Variants in TASOR observed in about 807,000 individuals in gnomAD.
The protein encoded by TASOR is transcription activation suppressor.
In TASOR, 53 loss-of-function variants were observed where a neutral mutation model predicts 178.6. The observed-to-expected ratio is 0.30, with a 90% CI of 0.24 to 0.37. The LOEUF is 0.37. Ranked by LOEUF, TASOR falls within the 10% of genes least tolerant of loss-of-function variation. The pLI is 1.00. For missense variants in TASOR, 1,815 were observed against 1,971.4 expected (o/e 0.92, Z 1.50); for synonymous variants, 713 against 696.2 (o/e 1.02, Z -0.38).
chr3:56,646,424 A>G, intron 14 of TASOR, 98 bp downstream of exon 14: 1 of 971,676 alleles, frequency 1.0e-6, no homozygotes, highest in Non-Finnish European at 1.5e-6. Flanking sequence ...GGACAGGCTG[A>G]ATTTGACCCT....
In TASOR at chr3:56,624,381, A is replaced by C. The variant is rs539285615; in HGVS notation, c.4483+98T>G. The C allele has an allele frequency of 7.5e-6, 9 of 1,194,938 alleles. No individual in the cohort carries two copies. The South Asian group carries it at 1.1e-4, about 15-fold the overall frequency. 74.0% of individuals were successfully genotyped at this position (1,194,938 alleles called of 1,614,324 possible). On this transcript the variant is annotated intron_variant, in intron 23 of 23. Transcript: ENST00000683822. Reference sequence around the variant, plus strand: ...TCCCTATGGCTGTTTATACTGAGGTACGTGGTTTCAAAATGGTCATTTCAT... The same window carrying C: ...TCCCTATGGCTGTTTATACTGAGGTCCGTGGTTTCAAAATGGTCATTTCAT...
rs764991240 is a variant in TASOR, at chr3:56,621,617, A to T, written c.*1420T>A. On this transcript the variant is annotated 3_prime_UTR_variant, in exon 24 of 24. Transcript: ENST00000683822. ...GAAGAGAGTTTTGGTTCTTCATTTT[A>T]AATGTAGAAAATCAAATCCTTCACA... 8 of 1,589,252 alleles carry T rather than the reference A, an allele frequency of 5.0e-6. No homozygotes were observed. In the Admixed American group the frequency reaches 1.4e-4, roughly 28 times the overall value.
intron 17 of TASOR, 151 bp downstream of exon 17, chr3:56,638,555 A>C (rs921211442): frequency 1.4e-5 from 9 of 652,218 alleles, no homozygotes; most frequent in Non-Finnish European, 2.4e-5. Flanking sequence ...CAACTCAAGT[A>C]ATGATTTACA....
chr3:56,658,946 C>CTGTGTGTG (rs58622702), intron 11 of TASOR, among the ~76,000 whole-genome samples: 30 of 147,448 alleles, frequency 2.0e-4, no homozygotes, highest in Non-Finnish European at 3.8e-4. Flanking sequence ...GAGAGAGAGA[C>CTGTGTGTG]TGTGTGTGTG....
intron 23 of TASOR, 44 bp from the exon 24 acceptor site, chr3:56,623,610 GTT>G (rs2076736239): frequency 1.3e-6 from 2 of 1,539,438 alleles, no homozygotes; most frequent in African/African-American, 2.8e-5. Context: ...GAAATACACA[GTT>G]TGTTTAAGTT....
intron 16 of TASOR, among the ~76,000 whole-genome samples, chr3:56,639,348 A>G (rs1384956791): frequency 6.6e-6 from 1 of 152,136 alleles, no homozygotes; most frequent in Non-Finnish European, 1.5e-5. Flanking sequence ...AACTTGGAAT[A>G]TTAAGAGTAT....
chr3:56,669,402 T>C (rs556050358), intron 5 of TASOR, among the ~76,000 whole-genome samples: 131 of 151,718 alleles, frequency 8.6e-4, no homozygotes, highest in Non-Finnish European at 7.2e-4. Context: ...ACTTGGGAGG[T>C]TGAAGCAGGA....
rs771263695 is a variant in TASOR at position 56,624,785 on chromosome 3, A to G, written c.4318+43T>C. The G allele has an allele frequency of 1.1e-5, 17 of 1,587,578 alleles. No homozygotes were observed. The South Asian group carries it at 1.8e-4, about 17-fold the overall frequency. Reference sequence around the variant, plus strand: ...AGCCCCATAAAATCCTTTCATTCACATTCCTATATTCATAGTAGAAAGCTT... The same window carrying G: ...AGCCCCATAAAATCCTTTCATTCACGTTCCTATATTCATAGTAGAAAGCTT... On this transcript the variant is annotated intron_variant, in intron 22 of 23. Transcript: ENST00000683822.
At chr3:56,630,638 G>C (rs902375519) in intron 18 of TASOR, among the ~76,000 whole-genome samples, 1 of 152,164 alleles carries the variant, frequency 6.6e-6, no homozygotes. Flanking sequence ...AAGGTCAGGA[G>C]TTCGAGACCA....
chr3:56,629,429 G>A lies in TASOR; in HGVS notation c.3748-815C>T, dbSNP rs187712973. On this transcript the variant is annotated intron_variant, in intron 18 of 23. Coordinates refer to ENST00000683822, the MANE Select transcript of TASOR (RefSeq NM_001365635.2). ...TGCAGCAGTATTAACTGGGATAAACGCCTTCAGAGTTAAGAACTTTCACAA... is the reference window on the plus strand; with the variant it reads ...TGCAGCAGTATTAACTGGGATAAACACCTTCAGAGTTAAGAACTTTCACAA... Among the ~76,000 whole-genome samples the A allele has an allele frequency of 3.7e-3, 551 of 150,770 alleles. 3 individuals carry two copies. The highest frequency in any genetic ancestry group is 0.013 in the African/African-American group (534 of 40,180).
Position 56,621,726 on chromosome 3 carries a change from A to T in TASOR, c.*1311T>A, listed in dbSNP as rs2076662000. ...ATAGCCTAGATTTACTTATTTTTTT[A>T]AATGCTCATTAAAAACTTGTATACT... On this transcript the variant is annotated 3_prime_UTR_variant, in exon 24 of 24. Transcript: ENST00000683822. The T allele has an allele frequency of 1.4e-6, 1 of 700,604 alleles. No homozygotes were observed. The highest frequency in any genetic ancestry group is 1.8e-5 in the African/African-American group (1 of 55,638). 43.4% of individuals were successfully genotyped at this position (700,604 alleles called of 1,614,324 possible). A position where few individuals can be genotyped will look rare whatever the true frequency, so the allele number is the denominator to read the frequency against.
chr3:56,666,041 G>A (rs2029925614), intron 7 of TASOR, among the ~76,000 whole-genome samples: 1 of 151,946 alleles, frequency 6.6e-6, no homozygotes. Context: ...GCGAGATGAG[G>A]TTTAAATTTT....
chr3:56,666,816 G>C (rs1483953971), intron 6 of TASOR, among the ~76,000 whole-genome samples: 1 of 152,150 alleles, frequency 6.6e-6, no homozygotes, highest in Non-Finnish European at 1.5e-5. Flanking sequence ...AAACAAAGTA[G>C]CAAAGGGAGA....
At chr3:56,674,989 T>G (rs992435512) in intron 1 of TASOR, among the ~76,000 whole-genome samples, 5 of 151,900 alleles carry the variant, frequency 3.3e-5, no homozygotes, top group South Asian at 2.1e-4. Context: ...CGGCTAATTT[T>G]TGTGTGTGTG....
chr3:56,671,344 A>T (rs1313946931), intron 3 of TASOR: 2 of 296,538 alleles, frequency 6.7e-6, no homozygotes, highest in African/African-American at 2.2e-5. Context: ...ATCTCAGAAA[A>T]AAATAAATAA....
At chr3:56,627,802 T>C in intron 19 of TASOR, 61 bp from the exon 20 acceptor site, 1 of 1,509,404 alleles carries the variant, frequency 6.6e-7, no homozygotes, top group Non-Finnish European at 9.1e-7. Context: ...CAGACTCAAG[T>C]GTGAAGGAAC....
chr3:56,627,757 A>C lies in TASOR; in HGVS notation c.3871-16T>G. On this transcript the variant is annotated splice_polypyrimidine_tract_variant and intron_variant, in intron 19 of 23. Transcript: ENST00000683822. ...AGCCAGGTATCTGTTTAAATCCCAA[A>C]ACAAAAAGAGAAACAGATGGAGGGA... 1.2e-6 allele frequency: 2 copies of C among 1,608,354 alleles called. No individual in the cohort carries two copies. The highest frequency in any genetic ancestry group is 1.7e-6 in the Non-Finnish European group (2 of 1,178,192).
chr3:56,672,913 C>T (rs1398680075), intron 2 of TASOR, among the ~76,000 whole-genome samples: 4 of 152,146 alleles, frequency 2.6e-5, no homozygotes, highest in East Asian at 3.9e-4. Context: ...TGCAACCTCA[C>T]GGGTTCAAGC....
At chr3:56,678,872 G>C (rs962375236) in intron 1 of TASOR, among the ~76,000 whole-genome samples, 1 of 152,056 alleles carries the variant, frequency 6.6e-6, no homozygotes, top group Non-Finnish European at 1.5e-5. Context: ...TTAGCTGGGC[G>C]TGGTGGCACA....
Sources: allele counts gnomAD v4.1 joint callset (sites outside exome capture counted in the v4.1 genomes callset), GRCh38; gene constraint gnomAD v4.1.1; transcripts MANE v1.5; gene names NCBI Gene and HGNC (gene_info 2026-07-23, HGNC 2026-07-21).